The following PSORS1C2 variants were observed in gnomAD, a reference collection of about 807,000 sequenced individuals.
The protein encoded by PSORS1C2 is psoriasis susceptibility 1 candidate gene 2 protein.
PSORS1C2 carries 13 observed loss-of-function variants against 12.2 expected under a neutral mutation model. The observed-to-expected ratio is 1.07, with a 90% CI of 0.70 to 1.70. PSORS1C2 has a LOEUF of 1.70. Ranked by LOEUF, PSORS1C2 falls within the 40% of genes most tolerant of loss-of-function variation. The pLI, the probability that PSORS1C2 is intolerant of heterozygous loss-of-function variation, is 0.00. For synonymous variants in PSORS1C2, 76 were observed against 69.2 expected (o/e 1.10, Z -0.49); for missense variants, 186 against 173.4 (o/e 1.07, Z -0.41).
chr6:31,139,029 C>A lies in PSORS1C2; in HGVS notation c.-3G>T, dbSNP rs753302716. 9 of 1,613,880 alleles carry A rather than the reference C, an allele frequency of 5.6e-6. 1 individual carries two copies. The South Asian group carries it at 7.7e-5, about 14-fold the overall frequency. ...AGGAGCTTCCAGTTGAGGATCATGGCTATGTACTGGCCCCCAAAGCTGGGG... is the reference window on the plus strand; with the variant it reads ...AGGAGCTTCCAGTTGAGGATCATGGATATGTACTGGCCCCCAAAGCTGGGG... On this transcript the variant is annotated 5_prime_UTR_variant, in exon 1 of 2. Transcript: ENST00000259845. The surrounding 1 kb of genome is among the most constrained non-coding windows in gnomAD (Gnocchi z 5.2).
chr6:31,138,155 G>T lies in PSORS1C2; in HGVS notation c.207C>A (p.Pro69=). 6.2e-7 allele frequency: 1 copy of T among 1,602,352 alleles called. No individual in the cohort carries two copies. Among genetic ancestry groups the T allele is most frequent in the South Asian group, 1.1e-5 (1 of 89,482 alleles). The change falls in exon 2 of 2, where the codon CCC becomes CCA. Residue 69 remains proline (P), a synonymous_variant. Transcript: ENST00000259845. ...CAGGCAGGTCTCTCCAGGGACGACT[G>T]GGGCGGGTAGGCGGAGGATCTTCAA... is the stretch of plus-strand genomic sequence containing the variant. ...PLFEDPPPTR[P]SRPWRDLPET...
chr6:31,138,102 G>A lies in PSORS1C2; in HGVS notation c.260C>T (p.Pro87Leu). 1 of 1,601,298 alleles carries A rather than the reference G, an allele frequency of 6.2e-7. No homozygotes were observed. Among genetic ancestry groups the A allele is most frequent in the Non-Finnish European group, 8.5e-7 (1 of 1,174,946 alleles). Residue 87 changes from proline (P) to leucine (L), a missense_variant, in exon 2 of 2, where the codon CCT becomes CTT. By Grantham distance (98) the Pro-to-Leu change is moderately conservative (BLOSUM62 -3). Coordinates refer to ENST00000259845, the MANE Select transcript of PSORS1C2 (RefSeq NM_014069.3). ...PETGVWLPEP[P>L]RTDPPQPPRP... ...GGGAGGTTGAGGAGGATCCGTTCTA[G>A]GCGGTTCAGGGAGCCAGACTCCAGT...
chr6:31,138,729 C>T (rs779176995), intron 1 of PSORS1C2: 1 of 1,613,810 alleles, frequency 6.2e-7, no homozygotes, highest in East Asian at 2.2e-5. Flanking sequence ...CTCGTCCCCC[C>T]CACGTTAATC....
chr6:31,138,086 A>G lies in PSORS1C2; in HGVS notation c.276T>C (p.Pro92=). 1 of 1,580,670 alleles carries G rather than the reference A, an allele frequency of 6.3e-7. No homozygotes were observed. The highest frequency in any genetic ancestry group is 8.6e-7 in the Non-Finnish European group (1 of 1,165,368). ...AAGGGTCGTCAGGCCGGGGAGGTTG[A>G]GGAGGATCCGTTCTAGGCGGTTCAG... ...WLPEPPRTDP[P]QPPRPDDPWP... is the part of the protein sequence containing the mutation. The change falls in exon 2 of 2, where the codon CCT becomes CCC. Residue 92 remains proline (P), a synonymous_variant. Coordinates refer to ENST00000259845, the MANE Select transcript of PSORS1C2 (RefSeq NM_014069.3).
At position 31,138,646 on chromosome 6, in the gene PSORS1C2, T is replaced by C. The variant is rs73397071; in HGVS notation, c.55+326A>G. On this transcript the variant is annotated intron_variant, in intron 1 of 1. Transcript: ENST00000259845. ...CTGCAACCCAAAGTGGGTTACACCT[T>C]GGCCCCCAGGCACACAGACCCCAGC... is the stretch of plus-strand genomic sequence containing the variant. The C allele has an allele frequency of 3.1e-4, 502 of 1,613,118 alleles. 1 individual carries two copies. The African/African-American group carries it at 6.2e-3, about 20-fold the overall frequency.
chr6:31,138,731 A>AC (rs752104420), intron 1 of PSORS1C2: 6 of 1,607,918 alleles, frequency 3.7e-6, no homozygotes, highest in Non-Finnish European at 4.2e-6. Context: ...CGTCCCCCCC[A>AC]CGTTAATCCT....
Position 31,138,143 on chromosome 6 carries a change from C to T in PSORS1C2, c.219G>A (p.Trp73Ter). 1 of 1,605,638 alleles carries T rather than the reference C, an allele frequency of 6.2e-7. No individual in the cohort carries two copies. Among genetic ancestry groups the T allele is most frequent in the East Asian group, 2.2e-5 (1 of 44,834 alleles). The change falls in exon 2 of 2, where the codon TGG (tryptophan) becomes TGA (stop). Residue 73 changes from tryptophan (W) to a stop codon, truncating the protein, a stop_gained. Transcript: ENST00000259845. LOFTEE classifies it high-confidence loss of function. ...AGACTCCAGTTTCAGGCAGGTCTCTCCAGGGACGACTGGGGCGGGTAGGCG... is the reference window on the plus strand; with the variant it reads ...AGACTCCAGTTTCAGGCAGGTCTCTTCAGGGACGACTGGGGCGGGTAGGCG... ...DPPPTRPSRP[W>*]RDLPETGVWL...
Position 31,137,810 on chromosome 6 carries a change from C to T in PSORS1C2, c.*141G>A. 1 of 445,002 alleles carries T rather than the reference C, an allele frequency of 2.2e-6. No individual in the cohort carries two copies. Among genetic ancestry groups the T allele is most frequent in the East Asian group, 3.4e-5 (1 of 29,152 alleles). The allele number at this position is 445,002 out of a possible 1,614,324, so 27.6% of individuals were successfully genotyped here. On this transcript the variant is annotated 3_prime_UTR_variant, in exon 2 of 2. Transcript: ENST00000259845. ...AGGAAATATTGAGAACACCACCTTACGGGTTCAGAATAAAACCGAGGGAAT... is the reference window on the plus strand; with the variant it reads ...AGGAAATATTGAGAACACCACCTTATGGGTTCAGAATAAAACCGAGGGAAT...
intron 1 of PSORS1C2, 47 bp downstream of exon 1, chr6:31,138,925 T>TC: frequency 6.2e-7 from 1 of 1,605,744 alleles, no homozygotes; most frequent in East Asian, 2.2e-5. Context: ...ATCTTGAGTA[T>TC]CCCTCATCAC....
rs148095595 is a variant in PSORS1C2 at position 31,139,016 on chromosome 6, T to C, written c.11A>G (p.Asn4Ser). Residue 4 changes from asparagine to serine, a missense_variant, in exon 1 of 2, where the codon AAC becomes AGC. Asn to Ser is a conservative substitution (Grantham distance 46). Coordinates refer to ENST00000259845, the MANE Select transcript of PSORS1C2 (RefSeq NM_014069.3). This position sits in a 1 kb window ranked among gnomAD's most constrained non-coding sequence, Gnocchi z 5.2. MIL[N>S]WKLLGILVLC... ...GACCAGGATCCCCAGGAGCTTCCAG[T>C]TGAGGATCATGGCTATGTACTGGCC... 5,904 of 1,614,052 alleles carry C rather than the reference T, an allele frequency of 3.7e-3. 44 individuals carry two copies. The highest frequency in any genetic ancestry group is 0.022 in the Middle Eastern group (135 of 6,060).
At chr6:31,138,395 C>T in intron 1 of PSORS1C2, 89 bp from the exon 2 acceptor site, 1 of 1,475,934 alleles carries the variant, frequency 6.8e-7, no homozygotes, top group Non-Finnish European at 9.4e-7. Flanking sequence ...AGGAGCCTGT[C>T]TGGATGGACG....
intron 1 of PSORS1C2, 178 bp from the exon 2 acceptor site, chr6:31,138,484 T>C (rs780602873): frequency 5.6e-6 from 9 of 1,611,558 alleles, no homozygotes; most frequent in Non-Finnish European, 6.8e-6. Context: ...ACTTAACTGA[T>C]GGTAAAATGT....
chr6:31,138,880 T>C (rs975180949), intron 1 of PSORS1C2, 92 bp downstream of exon 1: 1 of 1,600,560 alleles, frequency 6.2e-7, no homozygotes, highest in Non-Finnish European at 8.6e-7. Flanking sequence ...CCTGAATTCC[T>C]GTCCCCAACC....
In PSORS1C2 at chr6:31,139,001, C is replaced by G; in HGVS notation, c.26G>C (p.Gly9Ala). The G allele has an allele frequency of 6.2e-7, 1 of 1,614,142 alleles. No homozygotes were observed. Among genetic ancestry groups the G allele is most frequent in the Non-Finnish European group, 8.5e-7 (1 of 1,180,002 alleles). ...GGTGTGCAGGCAAAGGACCAGGATC[C>G]CCAGGAGCTTCCAGTTGAGGATCAT... Reference protein sequence around the residue: MILNWKLLGILVLCLHTRG... With the variant: MILNWKLLAILVLCLHTRG... Residue 9 changes from glycine to alanine, a missense_variant, in exon 1 of 2, where the codon GGG (glycine) becomes GCG (alanine). Transcript: ENST00000259845. This position sits in a 1 kb window ranked among gnomAD's most constrained non-coding sequence, Gnocchi z 5.2.
chr6:31,138,723 TCC>T (rs9278990), intron 1 of PSORS1C2: 14 of 1,612,930 alleles, frequency 8.7e-6, no homozygotes, highest in Non-Finnish European at 1.2e-5. Context: ...AGGAAACTCG[TCC>T]CCCCCACGTT....
intron 1 of PSORS1C2, 146 bp downstream of exon 1, chr6:31,138,826 T>C (rs1227977679): frequency 2.5e-6 from 4 of 1,612,880 alleles, no homozygotes; most frequent in Non-Finnish European, 3.4e-6. Context: ...ACCCAATGTG[T>C]CCAGAAAGCC....
At position 31,139,041 on chromosome 6, in the gene PSORS1C2, C is replaced by T; in HGVS notation, c.-15G>A. On this transcript the variant is annotated 5_prime_UTR_variant, in exon 1 of 2. Transcript: ENST00000259845. This position sits in a 1 kb window ranked among gnomAD's most constrained non-coding sequence, Gnocchi z 5.2. ...TTGAGGATCATGGCTATGTACTGGC[C>T]CCCAAAGCTGGGGTGGGCTGAGTCT... The T allele has an allele frequency of 1.9e-6, 3 of 1,613,724 alleles. No individual in the cohort carries two copies. Among genetic ancestry groups the T allele is most frequent in the Non-Finnish European group, 2.5e-6 (3 of 1,179,700 alleles).
chr6:31,138,972 C>G lies in PSORS1C2; in HGVS notation c.55G>C (p.Gly19Arg), dbSNP rs1773311892. Reference sequence around the variant, plus strand: ...GTCCCTGCCTCTGTTCCCACCTCACCTCTGGTGTGCAGGCAAAGGACCAGG... The same window carrying G: ...GTCCCTGCCTCTGTTCCCACCTCACGTCTGGTGTGCAGGCAAAGGACCAGG... ...GILVLCLHTR[G>R]ISGSEGHPSH... is the part of the protein sequence containing the mutation. The change falls in exon 1 of 2, where the codon GGC becomes CGC. Residue 19 changes from glycine (G) to arginine (R), a missense_variant and splice_region_variant. Transcript: ENST00000259845. 1 of 1,614,048 alleles carries G rather than the reference C, an allele frequency of 6.2e-7. No homozygotes were observed. The highest frequency in any genetic ancestry group is 1.1e-5 in the South Asian group (1 of 91,084).
chr6:31,138,649 C>T (rs1248809973), intron 1 of PSORS1C2: 3 of 1,612,976 alleles, frequency 1.9e-6, no homozygotes, highest in Non-Finnish European at 2.5e-6. Flanking sequence ...TACACCTTGG[C>T]CCCCAGGCAC....
Sources: allele counts gnomAD v4.1 joint callset, GRCh38; gene constraint gnomAD v4.1.1; non-coding constraint Gnocchi (gnomAD v3.1); transcripts MANE v1.5; gene names NCBI Gene and HGNC (gene_info 2026-07-23, HGNC 2026-07-21).